The following SNW1 variants were observed in gnomAD, a reference collection of about 807,000 sequenced individuals.
The protein encoded by SNW1 is SNW domain-containing protein 1.
In SNW1, 9 loss-of-function variants were observed where a neutral mutation model predicts 75.6. That is an observed-to-expected ratio of 0.12 (90% CI 0.07 to 0.21). The LOEUF is 0.21. SNW1 is among the 10% of genes least tolerant of loss of function. The pLI is 1.00. For synonymous variants in SNW1, 200 were observed against 219.1 expected, an observed-to-expected ratio of 0.91 and a Z score of 0.77; for missense variants, 409 against 670.9, an observed-to-expected ratio of 0.61 and a Z score of 4.31.
intron 5 of SNW1, 116 bp from the exon 6 acceptor site, chr14:77,737,191 A>G (rs2080679754): frequency 1.5e-6 from 1 of 681,572 alleles, no homozygotes; most frequent in East Asian, 2.7e-5. Flanking sequence ...CAAAGTATTA[A>G]CAGAAAATTA....
chr14:77,757,618 C>T (rs1416036395), intron 1 of SNW1, among the ~76,000 whole-genome samples: 3 of 152,146 alleles, frequency 2.0e-5, no homozygotes, highest in Non-Finnish European at 4.4e-5. Flanking sequence ...CCCCAAAACG[C>T]TCTACATACC....
At chr14:77,730,232 T>C (rs2080618050) in intron 10 of SNW1, among the ~76,000 whole-genome samples, 1 of 152,224 alleles carries the variant, frequency 6.6e-6, no homozygotes, top group South Asian at 2.1e-4. Flanking sequence ...TCTTTCCCTG[T>C]ATTATTTTTC....
At chr14:77,742,782 T>C (rs2080728745) in intron 3 of SNW1, among the ~76,000 whole-genome samples, 1 of 151,598 alleles carries the variant, frequency 6.6e-6, no homozygotes, top group Non-Finnish European at 1.5e-5. Context: ...CAGGCTAGTC[T>C]CAAACTCCTG....
At chr14:77,743,953 A>G (rs746308339) in intron 3 of SNW1, among the ~76,000 whole-genome samples, 13 of 152,106 alleles carry the variant, frequency 8.5e-5, no homozygotes, top group Admixed American at 8.5e-4. Flanking sequence ...ACAAACAAAA[A>G]GATATAAACC....
chr14:77,759,085 G>A (rs920063653), intron 1 of SNW1, among the ~76,000 whole-genome samples: 2 of 152,220 alleles, frequency 1.3e-5, no homozygotes, highest in Middle Eastern at 3.2e-3. Context: ...AGGGAAATGT[G>A]TTTACTGATT....
intron 3 of SNW1, among the ~76,000 whole-genome samples, chr14:77,748,734 C>G (rs995964434): frequency 4.0e-5 from 6 of 151,862 alleles, no homozygotes; most frequent in Non-Finnish European, 1.5e-5. Context: ...ACTACAGGTA[C>G]CCGCCACCAT....
chr14:77,732,517 A>T lies in SNW1; in HGVS notation c.859T>A (p.Leu287Met). The T allele has an allele frequency of 6.2e-7, 1 of 1,611,448 alleles. No homozygotes were observed. Among genetic ancestry groups the T allele is most frequent in the Non-Finnish European group, 8.5e-7 (1 of 1,177,734 alleles). The change falls in exon 9 of 14, where the codon TTG becomes ATG. Residue 287 changes from leucine (L) to methionine (M), a missense_variant. Around this residue, in one of 9 missense-constraint regions of SNW1, gnomAD observed 37 missense variants for 110.0 expected, o/e 0.34. Transcript: ENST00000261531. ...TVHINENFAKLAEALYIADRK... is the reference protein window; with the variant it reads ...TVHINENFAKMAEALYIADRK... ...TCAGCAATGTAGAGGGCTTCTGCCA[A>T]TTTGGCGAAATTTTCATTTATGTGT...
At chr14:77,757,954 C>CTATCTATCTATT (rs1555389084) in intron 1 of SNW1, among the ~76,000 whole-genome samples, 2 of 104,404 alleles carry the variant, frequency 1.9e-5, no homozygotes, top group African/African-American at 7.3e-5. Flanking sequence ...ATCTATCTAT[C>CTATCTATCTATT]GCAATCAATC....
rs1161735759 is a variant in SNW1 at position 77,750,678 on chromosome 14, A to C, written c.330+641T>G. Among the ~76,000 whole-genome samples the C allele has an allele frequency of 2.0e-5, 3 of 152,158 alleles. No homozygotes were observed. In the East Asian group the frequency reaches 5.8e-4, roughly 29 times the overall value. On this transcript the variant is annotated intron_variant, in intron 3 of 13. Coordinates refer to ENST00000261531, the MANE Select transcript of SNW1 (RefSeq NM_012245.3). Reference sequence around the variant, plus strand: ...GTATTTATTTACAAGAAAAAAAAAAAACTAGGTCTTCTTAAAAATAGTTCC... The same window carrying C: ...GTATTTATTTACAAGAAAAAAAAAACACTAGGTCTTCTTAAAAATAGTTCC...
At position 77,751,494 on chromosome 14, in the gene SNW1, G is replaced by A. The variant is rs757121115; in HGVS notation, c.169-14C>T. ...ATCTCCAAAATCCTACACATTAGAA[G>A]TAGTTAAATAAAATAGTTAATCATC... is the stretch of plus-strand genomic sequence containing the variant. On this transcript the variant is annotated splice_polypyrimidine_tract_variant and intron_variant, in intron 2 of 13. Coordinates refer to ENST00000261531, the MANE Select transcript of SNW1 (RefSeq NM_012245.3). The A allele has an allele frequency of 6.4e-7, 1 of 1,567,620 alleles. No homozygotes were observed. The highest frequency in any genetic ancestry group is 1.4e-5 in the African/African-American group (1 of 72,762).
At chr14:77,753,746 G>A (rs1478785185) in intron 2 of SNW1, among the ~76,000 whole-genome samples, 2 of 152,136 alleles carry the variant, frequency 1.3e-5, no homozygotes, top group Non-Finnish European at 2.9e-5. Context: ...GAAGTCAGGA[G>A]TTCAAGACCA....
At chr14:77,723,510 T>G (rs1318663953) in intron 10 of SNW1, among the ~76,000 whole-genome samples, 1 of 151,562 alleles carries the variant, frequency 6.6e-6, no homozygotes, top group Non-Finnish European at 1.5e-5. Context: ...CCACCATGCC[T>G]GGCTAATTTT....
In SNW1 at chr14:77,727,426, G is replaced by C. The variant is rs2080594339; in HGVS notation, c.1033+3562C>G. 2.6e-5 allele frequency among the ~76,000 whole-genome samples: 4 copies of C among 152,186 alleles called. 1 individual carries two copies. In the South Asian group the frequency reaches 8.3e-4, roughly 32 times the overall value. ...CTCTGGCAAGGACTTCCAGTCCCAT[G>C]TTGAGTTACAGTGGTGAAAGTGGGC... On this transcript the variant is annotated intron_variant, in intron 10 of 13. Coordinates refer to ENST00000261531, the MANE Select transcript of SNW1 (RefSeq NM_012245.3).
At chr14:77,723,659 TTTTG>T (rs1472355760) in intron 10 of SNW1, among the ~76,000 whole-genome samples, 2 of 152,184 alleles carry the variant, frequency 1.3e-5, no homozygotes, top group African/African-American at 4.8e-5. Flanking sequence ...CCCATTAGTA[TTTTG>T]TTTGTTTTGA....
At chr14:77,728,174 G>A (rs907369450) in intron 10 of SNW1, among the ~76,000 whole-genome samples, 20 of 152,194 alleles carry the variant, frequency 1.3e-4, no homozygotes, top group Admixed American at 1.1e-3. Flanking sequence ...GAAAGGCTGG[G>A]TGTGGTGGCT....
intron 9 of SNW1, among the ~76,000 whole-genome samples, chr14:77,731,987 T>C (rs188760855): frequency 5.3e-4 from 80 of 152,286 alleles, no homozygotes; most frequent in East Asian, 1.9e-3. Context: ...CCACCAGTCT[T>C]GGCCTCCCAA....
chr14:77,739,451 A>G (rs1259633330), intron 3 of SNW1, among the ~76,000 whole-genome samples: 1 of 152,206 alleles, frequency 6.6e-6, no homozygotes, highest in Non-Finnish European at 1.5e-5. Flanking sequence ...AAGTCAGGTT[A>G]CCAAATAATT....
chr14:77,730,885 G>A lies in SNW1; in HGVS notation c.1033+103C>T, dbSNP rs2080622355. The A allele has an allele frequency of 2.5e-6, 3 of 1,199,502 alleles. No homozygotes were observed. In the East Asian group the frequency reaches 7.0e-5, roughly 28 times the overall value. The allele number at this position is 1,199,502 out of a possible 1,614,324, so 74.3% of individuals were successfully genotyped here. A position where few individuals can be genotyped will look rare whatever the true frequency, so the allele number is the denominator to read the frequency against. The stretch of plus-strand genomic sequence containing the variant: ...ACTATATCTGATGTATCTAAATTTT[G>A]TTTATATGTACCTACTTTATATGCA... On this transcript the variant is annotated intron_variant, in intron 10 of 13. Coordinates refer to ENST00000261531, the MANE Select transcript of SNW1 (RefSeq NM_012245.3).
rs1378619639 is a variant in SNW1, at chr14:77,718,454, T to TCTTTACCACCTCTCCAGG, written c.1307_1324dup (p.Ala436_Lys441dup). 6.2e-7 allele frequency: 1 copy of TCTTTACCACCTCTCCAGG among 1,613,992 alleles called. No homozygotes were observed. The highest frequency in any genetic ancestry group is 8.5e-7 in the Non-Finnish European group (1 of 1,179,972). On this transcript the variant is annotated inframe_insertion, in exon 13 of 14. Coordinates refer to ENST00000261531, the MANE Select transcript of SNW1 (RefSeq NM_012245.3). ...GGGCCTATAAATACTCTGGGCCATA[T>TCTTTACCACCTCTCCAGG]CTTTACCACCTCTCCAGGCTTGATC... is the stretch of plus-strand genomic sequence containing the variant.
Sources: allele counts gnomAD v4.1 joint callset (sites outside exome capture counted in the v4.1 genomes callset), GRCh38; gene constraint gnomAD v4.1.1; regional missense constraint gnomAD v4.1.1; transcripts MANE v1.5; gene names NCBI Gene and HGNC (gene_info 2026-07-23, HGNC 2026-07-21).